Variants in HHIPL1 observed in about 807,000 individuals in gnomAD.
The protein encoded by HHIPL1 is HHIP like 1, also known as HHIP-like protein 1.
In HHIPL1, 43 loss-of-function variants were observed where a neutral mutation model predicts 61.8. The observed-to-expected ratio is 0.70, with a 90% CI of 0.55 to 0.90. The LOEUF (loss-of-function observed/expected upper bound fraction) is 0.90, where lower values mean the gene tolerates loss of function less well. Among genes scored for constraint, HHIPL1 ranks in the 40% least tolerant of loss-of-function variants. The probability of loss-of-function intolerance (pLI) is 0.00; values close to 1 mark genes in which losing one functional copy is unlikely to be tolerated. For synonymous variants in HHIPL1, 482 were observed against 515.8 expected (o/e 0.93, Z 0.89); for missense variants, 1,056 against 1,157.7 (o/e 0.91, Z 1.28).
At chr14:99,654,188 C>CAAAAAAAAAAA (rs754501639) in intron 2 of HHIPL1, among the ~76,000 whole-genome samples, 1 of 90,018 alleles carries the variant, frequency 1.1e-5, no homozygotes, top group Non-Finnish European at 2.0e-5. Context: ...GACTCTGTCT[C>CAAAAAAAAAAA]AAAAAAAAAA....
the HHIPL1 span, among the ~76,000 whole-genome samples, chr14:99,607,033 T>TC: frequency 4.1e-4 from 53 of 127,824 alleles, 1 homozygote; most frequent in African/African-American, 1.5e-3. Flanking sequence ...TTTTTTTTTT[T>TC]TTTTTTTTTT....
At chr14:99,654,678 G>A (rs2055999335) in intron 2 of HHIPL1, among the ~76,000 whole-genome samples, 1 of 152,226 alleles carries the variant, frequency 6.6e-6, no homozygotes, top group Non-Finnish European at 1.5e-5. Flanking sequence ...TAAAAAGGAG[G>A]AGAAATCAAA....
rs573485977 is a variant in HHIPL1 at position 99,659,800 on chromosome 14, C to G, written c.1375+44C>G. On this transcript the variant is annotated intron_variant, in intron 4 of 8. Coordinates refer to ENST00000330710, the MANE Select transcript of HHIPL1 (RefSeq NM_001127258.3). Reference sequence around the variant, plus strand: ...GGGACCCCGGCCCCGAATCCGCCCCCACCCCACCCCACCTGCTGTGCCGCA... The same window carrying G: ...GGGACCCCGGCCCCGAATCCGCCCCGACCCCACCCCACCTGCTGTGCCGCA... 17 of 1,301,872 alleles carry G rather than the reference C, an allele frequency of 1.3e-5. No homozygotes were observed. In the South Asian group the frequency reaches 2.9e-4, roughly 22 times the overall value. The allele number at this position is 1,301,872 out of a possible 1,614,324, so 80.6% of individuals were successfully genotyped here.
upstream of HHIPL1, among the ~76,000 whole-genome samples, chr14:99,641,133 C>T (rs1469087234): frequency 5.3e-5 from 8 of 151,414 alleles, no homozygotes; most frequent in African/African-American, 1.7e-4. Flanking sequence ...GTGATCCACC[C>T]GCCTCAGCCT....
chr14:99,615,541 G>A, the HHIPL1 span, among the ~76,000 whole-genome samples: 9 of 151,382 alleles, frequency 5.9e-5, no homozygotes, highest in African/African-American at 2.2e-4. Context: ...GAGACTCTGT[G>A]TCAGAAAGAA....
At chr14:99,609,099 C>T in the HHIPL1 span, among the ~76,000 whole-genome samples, 5 of 152,216 alleles carry the variant, frequency 3.3e-5, no homozygotes, top group Admixed American at 2.6e-4. Context: ...CATGTTGTGA[C>T]CAAGCCTCAG....
the HHIPL1 span, among the ~76,000 whole-genome samples, chr14:99,639,427 G>A: frequency 6.6e-6 from 1 of 151,964 alleles, no homozygotes; most frequent in African/African-American, 2.4e-5. Flanking sequence ...TCACTGCAGC[G>A]TCGACCTCCT....
At chr14:99,621,107 C>G in the HHIPL1 span, among the ~76,000 whole-genome samples, 2 of 151,530 alleles carry the variant, frequency 1.3e-5, no homozygotes, top group Non-Finnish European at 2.9e-5. Flanking sequence ...GTTATGCCCA[C>G]TTTTTTTTTG....
chr14:99,618,086 C>G, the HHIPL1 span, among the ~76,000 whole-genome samples: 1 of 152,206 alleles, frequency 6.6e-6, no homozygotes, highest in Non-Finnish European at 1.5e-5. Context: ...TGGCTACAAA[C>G]CCTTCCCTTG....
upstream of HHIPL1, among the ~76,000 whole-genome samples, chr14:99,642,995 C>T (rs1204829601): frequency 1.3e-5 from 2 of 152,080 alleles, no homozygotes; most frequent in African/African-American, 4.8e-5. Context: ...GTAATTTCAG[C>T]ATCTGTGTCA....
chr14:99,636,823 CA>C, the HHIPL1 span, among the ~76,000 whole-genome samples: 147,593 of 151,180 alleles, frequency 0.98, 72,148 homozygotes, highest in Middle Eastern at 1. Flanking sequence ...CCCATCTCTA[CA>C]AAAAAATAAA....
At chr14:99,656,302 C>G (rs2056026676) in intron 2 of HHIPL1, among the ~76,000 whole-genome samples, 1 of 152,126 alleles carries the variant, frequency 6.6e-6, no homozygotes, top group Non-Finnish European at 1.5e-5. Flanking sequence ...AAACACTAGG[C>G]CAGAACGAGA....
chr14:99,629,186 C>G, the HHIPL1 span, among the ~76,000 whole-genome samples: 1 of 152,218 alleles, frequency 6.6e-6, no homozygotes, highest in Non-Finnish European at 1.5e-5. Context: ...GTGAGGTGGG[C>G]CTTTCCCCAC....
intron 7 of HHIPL1, 64 bp from the exon 8 acceptor site, chr14:99,672,253 G>A (rs2056333299): frequency 2.2e-6 from 3 of 1,363,972 alleles, no homozygotes. Flanking sequence ...TCACTGTAGA[G>A]AAAAGGCACC....
chr14:99,620,236 C>G, the HHIPL1 span, among the ~76,000 whole-genome samples: 1 of 152,230 alleles, frequency 6.6e-6, no homozygotes. Flanking sequence ...CCCAGGGAGT[C>G]AGGTCTGTCA....
the HHIPL1 span, among the ~76,000 whole-genome samples, chr14:99,606,240 G>C: frequency 6.6e-6 from 1 of 152,176 alleles, no homozygotes; most frequent in Non-Finnish European, 1.5e-5. Context: ...CTCCTGAGGG[G>C]AGGGGACATC....
In HHIPL1 at chr14:99,679,953, A is replaced by T. The variant is rs375697959; in HGVS notation, c.*4327A>T. ...TCTGTCCCCTCGCCCCTCCTCCCCC[A>T]CTGAGAACTAGCTTTTACTGAGCAG... On this transcript the variant is annotated 3_prime_UTR_variant, in exon 9 of 9. Coordinates refer to ENST00000330710, the MANE Select transcript of HHIPL1 (RefSeq NM_001127258.3). 3 of 152,252 alleles carry T rather than the reference A, an allele frequency of 2.0e-5. No homozygotes were observed. The highest frequency in any genetic ancestry group is 4.4e-5 in the Non-Finnish European group (3 of 68,058). The allele number at this position is 152,252 out of a possible 1,614,324, so 9.4% of individuals were successfully genotyped here. A position where few individuals can be genotyped will look rare whatever the true frequency, so the allele number is the denominator to read the frequency against.
the HHIPL1 span, among the ~76,000 whole-genome samples, chr14:99,626,100 T>C: frequency 1.3e-5 from 2 of 151,708 alleles, no homozygotes; most frequent in African/African-American, 4.9e-5. Context: ...GAGAGATGAC[T>C]GTAGACTGAC....
At chr14:99,636,089 G>A in the HHIPL1 span, among the ~76,000 whole-genome samples, 1 of 152,172 alleles carries the variant, frequency 6.6e-6, no homozygotes, top group African/African-American at 2.4e-5. Flanking sequence ...CCTCCACTCT[G>A]TGACCTGATT....
Sources: allele counts gnomAD v4.1 joint callset (sites outside exome capture counted in the v4.1 genomes callset), GRCh38; gene constraint gnomAD v4.1.1; transcripts MANE v1.5; gene names NCBI Gene and HGNC (gene_info 2026-07-23, HGNC 2026-07-21).